SMIM10L2A: variants seen among roughly 807,000 people sequenced by gnomAD.
The protein encoded by SMIM10L2A is small integral membrane protein 10-like protein 2A.
Under a neutral mutation model 3.0 loss-of-function variants are expected in SMIM10L2A, and 2 were observed. The observed-to-expected ratio is 0.66, with a 90% CI of 0.27 to 2.08. The LOEUF is 2.08. Ranked by LOEUF, SMIM10L2A falls within the 30% of genes most tolerant of loss-of-function variation. SMIM10L2A has a pLI of 0.14. For missense variants in SMIM10L2A, 59 were observed against 66.5 expected (o/e 0.89, Z 0.39); for synonymous variants, 29 against 34.8 (o/e 0.83, Z 0.58).
At position 135,426,464 on chromosome X, in the gene SMIM10L2A, A is replaced by G. The variant is rs1463889904; in HGVS notation, c.*3194A>G. Reference sequence around the variant, plus strand: ...GGAGGCATCCTGAGGACACAGGGCTATGCTCAGACTTAGGAGTGAAGACTG... The same window carrying G: ...GGAGGCATCCTGAGGACACAGGGCTGTGCTCAGACTTAGGAGTGAAGACTG... On this transcript the variant is annotated 3_prime_UTR_variant, in exon 2 of 2. Coordinates refer to ENST00000417443, the MANE Select transcript of SMIM10L2A (RefSeq NM_203306.3). 2 of 112,294 alleles carry G rather than the reference A, an allele frequency of 1.8e-5. No homozygotes were observed. Among genetic ancestry groups the G allele is most frequent in the Non-Finnish European group, 3.8e-5 (2 of 53,163 alleles). The allele number at this position is 112,294 out of a possible 1,213,427, so 9.3% of individuals were successfully genotyped here. A position where few individuals can be genotyped will look rare whatever the true frequency, so the allele number is the denominator to read the frequency against.
In SMIM10L2A at chrX:135,422,306, C is replaced by G; in HGVS notation, c.175C>G (p.Pro59Ala). The change falls in exon 1 of 2, where the codon CCC becomes GCC. Residue 59 changes from proline to alanine, a missense_variant. Transcript: ENST00000417443. ...DLAWRLRMNF[P>A]YFYIVASVML... ...GGCCTGGCGGCTGCGCATGAACTTC[C>G]CCTACTTCTACATCGTGGCCTCGGT... 1.0e-6 allele frequency: 1 copy of G among 985,935 alleles called. No individual in the cohort carries two copies. Among genetic ancestry groups the G allele is most frequent in the Non-Finnish European group, 1.4e-6 (1 of 740,447 alleles). 81.3% of individuals were successfully genotyped at this position (985,935 alleles called of 1,213,427 possible).
Position 135,427,209 on chromosome X carries a change from C to T in SMIM10L2A, c.*3939C>T, listed in dbSNP as rs1725917758. ...AGCTCTTTTCCTGAGCTACCAGTGC[C>T]CCTTGGAGAGGCAGGGAATTGGGCT... On this transcript the variant is annotated 3_prime_UTR_variant, in exon 2 of 2. Transcript: ENST00000417443. 8.9e-6 allele frequency: 1 copy of T among 112,483 alleles called. No homozygotes were observed. Among genetic ancestry groups the T allele is most frequent in the South Asian group, 3.6e-4 (1 of 2,744 alleles). 9.3% of individuals were successfully genotyped at this position (112,483 alleles called of 1,213,427 possible).
chrX:135,422,959 T>G (rs181516898), intron 1 of SMIM10L2A, among the ~76,000 whole-genome samples: 3,605 of 105,543 alleles, frequency 0.034, 63 homozygotes, highest in Non-Finnish European at 0.037. Flanking sequence ...CCCCAGTGCC[T>G]GCCTCCCTTT....
At chrX:135,423,037 G>A (rs1330822817) in intron 1 of SMIM10L2A, among the ~76,000 whole-genome samples, 2 of 109,547 alleles carry the variant, frequency 1.8e-5, no homozygotes, top group African/African-American at 6.6e-5. Context: ...GGGCGGCCCC[G>A]GAAGGCCCTA....
At position 135,425,189 on chromosome X, in the gene SMIM10L2A, G is replaced by A. The variant is rs2085147407; in HGVS notation, c.*1919G>A. 1 of 111,914 alleles carries A rather than the reference G, an allele frequency of 8.9e-6. No individual in the cohort carries two copies. The highest frequency in any genetic ancestry group is 3.3e-5 in the African/African-American group (1 of 30,727). 9.2% of individuals were successfully genotyped at this position (111,914 alleles called of 1,213,427 possible). On this transcript the variant is annotated 3_prime_UTR_variant, in exon 2 of 2. Coordinates refer to ENST00000417443, the MANE Select transcript of SMIM10L2A (RefSeq NM_203306.3). ...TTGCTGAGTGCATGCATGGGAGTGT[G>A]GGGGGTGACTGAGCCCTCCCCATGC...
rs1406633810 is a variant in SMIM10L2A at position 135,426,190 on chromosome X, C to T, written c.*2920C>T. 9.0e-6 allele frequency: 1 copy of T among 111,525 alleles called. No individual in the cohort carries two copies. The highest frequency in any genetic ancestry group is 9.4e-5 in the Admixed American group (1 of 10,608). 9.2% of individuals were successfully genotyped at this position (111,525 alleles called of 1,213,427 possible). A position where few individuals can be genotyped will look rare whatever the true frequency, so the allele number is the denominator to read the frequency against. ...TCCTCTCCCTGCCTGAGGCCACCTC[C>T]CACTGCCTCCCTACCAGCAAGGTTA... On this transcript the variant is annotated 3_prime_UTR_variant, in exon 2 of 2. Coordinates refer to ENST00000417443, the MANE Select transcript of SMIM10L2A (RefSeq NM_203306.3).
Position 135,422,367 on chromosome X carries a change from G to GAGCGCCGGC in SMIM10L2A, c.237_*8dup. 2 of 681,708 alleles carry GAGCGCCGGC rather than the reference G, an allele frequency of 2.9e-6. No individual in the cohort carries two copies. The highest frequency in any genetic ancestry group is 4.0e-6 in the Non-Finnish European group (2 of 497,776). 56.2% of individuals were successfully genotyped at this position (681,708 alleles called of 1,213,427 possible). On this transcript the variant is annotated inframe_insertion and stop_retained_variant, in exon 1 of 2. Transcript: ENST00000417443. Reference sequence around the variant, plus strand: ...GTCCGCCTGCAGGTGCGGATCGAGTGAGCGCCGGCGGCGGCGGCGGCGAAG... The same window carrying GAGCGCCGGC: ...GTCCGCCTGCAGGTGCGGATCGAGTGAGCGCCGGCAGCGCCGGCGGCGGCGGCGGCGAAG...
At position 135,422,120 on chromosome X, in the gene SMIM10L2A, G is replaced by A. The variant is rs1306537868; in HGVS notation, c.-12G>A. On this transcript the variant is annotated 5_prime_UTR_variant, in exon 1 of 2. Coordinates refer to ENST00000417443, the MANE Select transcript of SMIM10L2A (RefSeq NM_203306.3). ...TCAGTCGGTCGGCGGGGCCTGCGCGGGGCCCGGGCCCATGGCGGCGTCGGC... is the reference window on the plus strand; with the variant it reads ...TCAGTCGGTCGGCGGGGCCTGCGCGAGGCCCGGGCCCATGGCGGCGTCGGC... 27 of 426,850 alleles carry A rather than the reference G, an allele frequency of 6.3e-5. No individual in the cohort carries two copies. The South Asian group carries it at 1.6e-3, about 25-fold the overall frequency. 35.2% of individuals were successfully genotyped at this position (426,850 alleles called of 1,213,427 possible).
rs782121455 is a variant in SMIM10L2A at position 135,425,548 on chromosome X, G to C, written c.*2278G>C. 3.6e-5 allele frequency: 4 copies of C among 111,915 alleles called. No individual in the cohort carries two copies. Among genetic ancestry groups the C allele is most frequent in the Non-Finnish European group, 7.5e-5 (4 of 53,177 alleles). The allele number at this position is 111,915 out of a possible 1,213,427, so 9.2% of individuals were successfully genotyped here. A position where few individuals can be genotyped will look rare whatever the true frequency, so the allele number is the denominator to read the frequency against. On this transcript the variant is annotated 3_prime_UTR_variant, in exon 2 of 2. Coordinates refer to ENST00000417443, the MANE Select transcript of SMIM10L2A (RefSeq NM_203306.3). ...AGATGGGGCCCTTGCTGCGTGACGG[G>C]GTCTCCATGCGCTTTATTTATTTGC...
Position 135,424,064 on chromosome X carries a change from G to A in SMIM10L2A, c.*794G>A, listed in dbSNP as rs1230116960. On this transcript the variant is annotated 3_prime_UTR_variant, in exon 2 of 2. Coordinates refer to ENST00000417443, the MANE Select transcript of SMIM10L2A (RefSeq NM_203306.3). Reference sequence around the variant, plus strand: ...TCAAGACCTGGCATGGTGGGAGGAGGGAGGGGGAAGTGGAGAGGGGAGCAT... The same window carrying A: ...TCAAGACCTGGCATGGTGGGAGGAGAGAGGGGGAAGTGGAGAGGGGAGCAT... 8.9e-6 allele frequency: 1 copy of A among 112,117 alleles called. No individual in the cohort carries two copies. Among genetic ancestry groups the A allele is most frequent in the Non-Finnish European group, 1.9e-5 (1 of 53,097 alleles). 9.2% of individuals were successfully genotyped at this position (112,117 alleles called of 1,213,427 possible).
Position 135,427,179 on chromosome X carries a change from G to C in SMIM10L2A, c.*3909G>C, listed in dbSNP as rs1385525752. 8.9e-6 allele frequency: 1 copy of C among 112,673 alleles called. No individual in the cohort carries two copies. Among genetic ancestry groups the C allele is most frequent in the African/African-American group, 3.2e-5 (1 of 30,988 alleles). The allele number at this position is 112,673 out of a possible 1,213,427, so 9.3% of individuals were successfully genotyped here. On this transcript the variant is annotated 3_prime_UTR_variant, in exon 2 of 2. Coordinates refer to ENST00000417443, the MANE Select transcript of SMIM10L2A (RefSeq NM_203306.3). ...AACCAAGTCTGAAACAGAGCCCCAA[G>C]AAGAAGCTCTTTTCCTGAGCTACCA...
In SMIM10L2A at chrX:135,427,509, T is replaced by C. The variant is rs1556472058; in HGVS notation, c.*4239T>C. On this transcript the variant is annotated 3_prime_UTR_variant, in exon 2 of 2. Coordinates refer to ENST00000417443, the MANE Select transcript of SMIM10L2A (RefSeq NM_203306.3). ...TTTCAGGGGCACTAGAGCAAATACA[T>C]TGAGAAATGGGAAATACAAACAGCA... 1.8e-5 allele frequency: 2 copies of C among 111,705 alleles called. No homozygotes were observed. Among genetic ancestry groups the C allele is most frequent in the African/African-American group, 3.3e-5 (1 of 30,656 alleles). The allele number at this position is 111,705 out of a possible 1,213,427, so 9.2% of individuals were successfully genotyped here.
rs1325622737 is a variant in SMIM10L2A, at chrX:135,426,973, C to T, written c.*3703C>T. 1.8e-5 allele frequency: 2 copies of T among 113,090 alleles called. No homozygotes were observed. The highest frequency in any genetic ancestry group is 3.7e-5 in the Non-Finnish European group (2 of 53,392). 9.3% of individuals were successfully genotyped at this position (113,090 alleles called of 1,213,427 possible). On this transcript the variant is annotated 3_prime_UTR_variant, in exon 2 of 2. Transcript: ENST00000417443. ...ATGATGTCTGTTCATTGTTTGTCAT[C>T]AGGTCTCACCTGGAGCAGCCTTGTT...
chrX:135,427,829 G>A lies in SMIM10L2A; in HGVS notation c.*4559G>A, dbSNP rs906184244. 16 of 111,596 alleles carry A rather than the reference G, an allele frequency of 1.4e-4. No homozygotes were observed. The highest frequency in any genetic ancestry group is 4.9e-4 in the African/African-American group (15 of 30,655). The allele number at this position is 111,596 out of a possible 1,213,427, so 9.2% of individuals were successfully genotyped here. A position where few individuals can be genotyped will look rare whatever the true frequency, so the allele number is the denominator to read the frequency against. ...GGGGGTTGGTTTGCTTTTTGTTGTT[G>A]TTTTTCCTTGTTTTTATAAATGATA... On this transcript the variant is annotated 3_prime_UTR_variant, in exon 2 of 2. Transcript: ENST00000417443.
chrX:135,423,472 A>C (rs781865598), intron 1 of SMIM10L2A, among the ~76,000 whole-genome samples, 161 bp from the exon 2 acceptor site: 1 of 113,217 alleles, frequency 8.8e-6, no homozygotes, highest in African/African-American at 3.2e-5. Context: ...TACTGAAGTG[A>C]TCTGGGAAAA....
chrX:135,425,726 A>AT lies in SMIM10L2A; in HGVS notation c.*2456_*2457insT, dbSNP rs1403082819. On this transcript the variant is annotated 3_prime_UTR_variant, in exon 2 of 2. Coordinates refer to ENST00000417443, the MANE Select transcript of SMIM10L2A (RefSeq NM_203306.3). ...TTCTTGTTTTCTCTAAGTTTAAAAA[A>AT]AAGTCCTTGGTTTAATACACTAAAA... 8.9e-6 allele frequency: 1 copy of AT among 112,142 alleles called. No individual in the cohort carries two copies. The highest frequency in any genetic ancestry group is 1.9e-5 in the Non-Finnish European group (1 of 53,224). 9.2% of individuals were successfully genotyped at this position (112,142 alleles called of 1,213,427 possible).
chrX:135,421,978 C>T lies in SMIM10L2A; in HGVS notation c.-154C>T. 4.1e-6 allele frequency: 1 copy of T among 245,938 alleles called. No individual in the cohort carries two copies. The highest frequency in any genetic ancestry group is 7.3e-6 in the Non-Finnish European group (1 of 137,600). The allele number at this position is 245,938 out of a possible 1,213,427, so 20.3% of individuals were successfully genotyped here. On this transcript the variant is annotated 5_prime_UTR_variant, in exon 1 of 2. Transcript: ENST00000417443. ...CGTGGAGGTGGGGCCGAGGCAGCGG[C>T]CGCCTGAGCCCCGCTCGGCCTTGGG...
chrX:135,422,588 C>T lies in SMIM10L2A; in HGVS notation c.*220C>T, dbSNP rs1208748041. On this transcript the variant is annotated 3_prime_UTR_variant, in exon 1 of 2. Transcript: ENST00000417443. ...CCGGGGGCCCTGGATCGCGCAGAAACGCACTGAATGGGCCCCTGCCATCGG... is the reference window on the plus strand; with the variant it reads ...CCGGGGGCCCTGGATCGCGCAGAAATGCACTGAATGGGCCCCTGCCATCGG... The T allele has an allele frequency of 4.5e-6, 1 of 222,621 alleles. No homozygotes were observed. The highest frequency in any genetic ancestry group is 8.2e-6 in the Non-Finnish European group (1 of 122,403). The allele number at this position is 222,621 out of a possible 1,213,427, so 18.3% of individuals were successfully genotyped here. A position where few individuals can be genotyped will look rare whatever the true frequency, so the allele number is the denominator to read the frequency against.
At chrX:135,423,570 G>C (rs2085140433) in intron 1 of SMIM10L2A, 63 bp from the exon 2 acceptor site, 2 of 113,904 alleles carry the variant, frequency 1.8e-5, no homozygotes, top group African/African-American at 6.4e-5. Flanking sequence ...CATTCCCGGG[G>C]GAAGCAAGGA....
Sources: gnomAD v4.1 joint callset for allele counts (sites outside exome capture counted in the v4.1 genomes callset) on GRCh38, gnomAD v4.1.1 for gene constraint, MANE v1.5 for transcripts, NCBI Gene and HGNC (gene_info 2026-07-23, HGNC 2026-07-21) for gene names.